Variants in MARCHF4 observed in about 807,000 individuals in gnomAD.
MARCHF4 encodes E3 ubiquitin-protein ligase MARCHF4.
In MARCHF4, 14 loss-of-function variants were observed where a neutral mutation model predicts 43.9. The observed-to-expected ratio is 0.32, with a 90% CI of 0.21 to 0.50. The LOEUF is 0.50. MARCHF4 is among the 20% of genes least tolerant of loss of function. MARCHF4 has a pLI of 0.98. For synonymous variants in MARCHF4, 226 were observed against 213.3 expected, an observed-to-expected ratio of 1.06 and a Z score of -0.52; for missense variants, 468 against 536.7, an observed-to-expected ratio of 0.87 and a Z score of 1.27.
intron 1 of MARCHF4, among the ~76,000 whole-genome samples, chr2:216,326,274 C>T (rs1402364420): frequency 6.6e-6 from 1 of 151,864 alleles, no homozygotes; most frequent in East Asian, 1.9e-4. Context: ...CCATCTCACA[C>T]CAGTTAGAAT....
At chr2:216,320,168 C>T (rs145622799) in intron 1 of MARCHF4, among the ~76,000 whole-genome samples, 20 of 152,232 alleles carry the variant, frequency 1.3e-4, no homozygotes, top group African/African-American at 2.2e-4. Context: ...TAAACAAACC[C>T]GTAAACTATA....
At chr2:216,323,343 G>A (rs1428020750) in intron 1 of MARCHF4, among the ~76,000 whole-genome samples, 2 of 152,094 alleles carry the variant, frequency 1.3e-5, no homozygotes, top group Non-Finnish European at 2.9e-5. Flanking sequence ...TTCAGTTTCA[G>A]CACTTGGTAA....
chr2:216,344,678 T>G (rs1692288390), intron 1 of MARCHF4, among the ~76,000 whole-genome samples: 1 of 151,720 alleles, frequency 6.6e-6, no homozygotes, highest in South Asian at 2.1e-4. Context: ...GAAGCAAGAT[T>G]GGAAAATAGG....
At chr2:216,303,322 T>G (rs967511645) in intron 1 of MARCHF4, 1 of 152,316 alleles carries the variant, frequency 6.6e-6, no homozygotes, top group Non-Finnish European at 1.5e-5. Context: ...CATGCTTGGG[T>G]GCCCAGGCTC....
chr2:216,369,667 C>T (rs754123851), intron 1 of MARCHF4, 78 bp downstream of exon 1: 237 of 1,210,820 alleles, frequency 2.0e-4, no homozygotes, highest in Non-Finnish European at 2.7e-4. Context: ...TAACCGTTCC[C>T]CAGGGCAAGC....
intron 1 of MARCHF4, among the ~76,000 whole-genome samples, chr2:216,333,873 A>T (rs1692118094): frequency 6.6e-6 from 1 of 152,100 alleles, no homozygotes; most frequent in South Asian, 2.1e-4. Context: ...AATGTGGGGG[A>T]AACTTTTGTG....
In MARCHF4 at chr2:216,306,043, A is replaced by G. The variant is rs557879001; in HGVS notation, c.517-22314T>C. Reference sequence around the variant, plus strand: ...TATCATTATTGTCATCATCATTACCATAATTATCATCATTGTAGAGACTGT... The same window carrying G: ...TATCATTATTGTCATCATCATTACCGTAATTATCATCATTGTAGAGACTGT... On this transcript the variant is annotated intron_variant, in intron 1 of 3. Transcript: ENST00000273067. 2.8e-4 allele frequency among the ~76,000 whole-genome samples: 43 copies of G among 152,172 alleles called. 2 individuals are homozygous for G. The South Asian group carries it at 8.7e-3, about 31-fold the overall frequency.
At chr2:216,316,989 G>C (rs1046180626) in intron 1 of MARCHF4, among the ~76,000 whole-genome samples, 4 of 152,234 alleles carry the variant, frequency 2.6e-5, no homozygotes, top group East Asian at 1.9e-4. Flanking sequence ...AGGTGGGAGA[G>C]GGGGACTGCC....
intron 3 of MARCHF4, among the ~76,000 whole-genome samples, chr2:216,271,072 T>G (rs1021488732): frequency 6.6e-6 from 1 of 152,220 alleles, no homozygotes; most frequent in Non-Finnish European, 1.5e-5. Context: ...TCTGATCATA[T>G]TTCCCCATTC....
In MARCHF4 at chr2:216,269,012, G is replaced by A. The variant is rs79316255; in HGVS notation, c.865+8660C>T. ...TAAATCACTGAAAAGAACCTCAGGG[G>A]ACCACACACAGAGGAAGCTTAAAAA... is the stretch of plus-strand genomic sequence containing the variant. On this transcript the variant is annotated intron_variant, in intron 3 of 3. Transcript: ENST00000273067. Among the ~76,000 whole-genome samples, 56 of 152,054 alleles carry A rather than the reference G, an allele frequency of 3.7e-4. No homozygotes were observed. In the East Asian group the frequency reaches 9.9e-3, roughly 27 times the overall value.
chr2:216,304,026 A>G (rs1353598250), intron 1 of MARCHF4, among the ~76,000 whole-genome samples: 1 of 152,190 alleles, frequency 6.6e-6, no homozygotes, highest in Admixed American at 6.5e-5. Context: ...GGAACTTGGA[A>G]AGAGAAATTT....
intron 1 of MARCHF4, among the ~76,000 whole-genome samples, chr2:216,363,333 C>T (rs1419402562): frequency 2.0e-5 from 3 of 152,220 alleles, no homozygotes; most frequent in African/African-American, 7.2e-5. Context: ...TGCTTCACAA[C>T]TGTCAAAACA....
Position 216,369,891 on chromosome 2 carries a change from T to C in MARCHF4, c.370A>G (p.Thr124Ala). The C allele has an allele frequency of 6.2e-7, 1 of 1,613,772 alleles. No individual in the cohort carries two copies. The highest frequency in any genetic ancestry group is 8.5e-7 in the Non-Finnish European group (1 of 1,179,942). Residue 124 changes from threonine (T) to alanine (A), a missense_variant, in exon 1 of 4, where the codon ACA (threonine) becomes GCA (alanine). Physicochemically the swap from Thr to Ala is moderately conservative, Grantham distance 58. Around this residue, in one of 3 missense-constraint regions of MARCHF4, gnomAD observed 158 missense variants for 251.1 expected, o/e 0.63. Coordinates refer to ENST00000273067, the MANE Select transcript of MARCHF4 (RefSeq NM_020814.3). The part of the protein sequence containing the change: ...SVEDDWGGPA[T>A]EPPASLLSSA... ...CTGAGCAGCGAGGCAGGTGGCTCTGTGGCTGGGCCACCCCAGTCATCTTCC... is the reference window on the plus strand; with the variant it reads ...CTGAGCAGCGAGGCAGGTGGCTCTGCGGCTGGGCCACCCCAGTCATCTTCC...
At chr2:216,267,768 G>A (rs559753995) in intron 3 of MARCHF4, among the ~76,000 whole-genome samples, 32 of 152,324 alleles carry the variant, frequency 2.1e-4, no homozygotes, top group African/African-American at 7.2e-4. Flanking sequence ...CAACAGACAG[G>A]CCACTCCTGA....
chr2:216,369,552 C>G (rs1167646571), intron 1 of MARCHF4, among the ~76,000 whole-genome samples, 193 bp downstream of exon 1: 1 of 152,130 alleles, frequency 6.6e-6, no homozygotes, highest in East Asian at 1.9e-4. Context: ...ACAAACGAAC[C>G]ACCAAACAGG....
intron 1 of MARCHF4, among the ~76,000 whole-genome samples, chr2:216,350,606 C>T (rs944025600): frequency 1.2e-4 from 19 of 152,128 alleles, no homozygotes; most frequent in East Asian, 3.8e-4. Flanking sequence ...CAGGTGCCTG[C>T]GGGCCCCTTC....
chr2:216,303,516 G>A (rs1007040774), intron 1 of MARCHF4: 1 of 152,262 alleles, frequency 6.6e-6, no homozygotes, highest in Admixed American at 6.5e-5. Flanking sequence ...TGATGTCCAG[G>A]GTCCTGAAAT....
intron 1 of MARCHF4, among the ~76,000 whole-genome samples, chr2:216,318,778 T>C (rs1242958950): frequency 4.6e-5 from 7 of 152,058 alleles, no homozygotes. Flanking sequence ...CAGAAAGCGC[T>C]TACAGCTAAA....
intron 1 of MARCHF4, among the ~76,000 whole-genome samples, chr2:216,357,413 T>C (rs1692519397): frequency 6.6e-6 from 1 of 152,202 alleles, no homozygotes; most frequent in Admixed American, 6.5e-5. Flanking sequence ...CCTCTGCCTC[T>C]GGGTTCAAGC....
Sources: allele counts gnomAD v4.1 joint callset (sites outside exome capture counted in the v4.1 genomes callset), GRCh38; gene constraint gnomAD v4.1.1; regional missense constraint gnomAD v4.1.1; transcripts MANE v1.5; gene names NCBI Gene and HGNC (gene_info 2026-07-23, HGNC 2026-07-21).